ANKRD34C: variants seen among roughly 807,000 people sequenced by gnomAD.
The protein encoded by ANKRD34C is ankyrin repeat domain 34C, also known as ankyrin repeat domain-containing protein 34C.
For missense variants in ANKRD34C, 563 were observed against 653.0 expected, an observed-to-expected ratio of 0.86 and a Z score of 1.50; for synonymous variants, 260 against 253.6, an observed-to-expected ratio of 1.03 and a Z score of -0.24.
intron 1 of ANKRD34C, among the ~76,000 whole-genome samples, 164 bp downstream of exon 1, chr15:79,283,392 T>C (rs1234268307): frequency 2.6e-5 from 4 of 152,118 alleles, no homozygotes; most frequent in African/African-American, 9.7e-5. Context: ...AAGGCGGATT[T>C]AACATTTTTT....
chr15:79,294,908 T>C lies in ANKRD34C; in HGVS notation c.*16T>C, dbSNP rs1343824232. ...CATGACCTAGAAGCTTTAGAAAGGC[T>C]TAAAATAGTCAATATAGTTTATGGA... On this transcript the variant is annotated 3_prime_UTR_variant, in exon 2 of 2. Coordinates refer to ENST00000421388, the MANE Select transcript of ANKRD34C (RefSeq NM_001146341.2). 17 of 1,511,754 alleles carry C rather than the reference T, an allele frequency of 1.1e-5. No homozygotes were observed. Among genetic ancestry groups the C allele is most frequent in the Non-Finnish European group, 1.5e-5 (17 of 1,133,938 alleles). 93.6% of individuals were successfully genotyped at this position (1,511,754 alleles called of 1,614,324 possible). A position where few individuals can be genotyped will look rare whatever the true frequency, so the allele number is the denominator to read the frequency against.
At chr15:79,288,812 C>CTTTT (rs60075615) in intron 1 of ANKRD34C, among the ~76,000 whole-genome samples, 140 of 55,436 alleles carry the variant, frequency 2.5e-3, no homozygotes, top group East Asian at 6.2e-3. Flanking sequence ...GCCCAGTATT[C>CTTTT]TTTTTTTTTT....
At chr15:79,291,055 G>T (rs980959058) in intron 1 of ANKRD34C, among the ~76,000 whole-genome samples, 3 of 152,140 alleles carry the variant, frequency 2.0e-5, no homozygotes, top group African/African-American at 7.2e-5. Context: ...TGATTTGTAG[G>T]AGTTCTTTAT....
rs1567017261 is a variant in ANKRD34C, at chr15:79,296,078, G to T, written c.*1186G>T. 6.0e-6 allele frequency: 1 copy of T among 167,012 alleles called. No homozygotes were observed. The highest frequency in any genetic ancestry group is 2.4e-5 in the African/African-American group (1 of 41,428). 10.3% of individuals were successfully genotyped at this position (167,012 alleles called of 1,614,324 possible). A position where few individuals can be genotyped will look rare whatever the true frequency, so the allele number is the denominator to read the frequency against. On this transcript the variant is annotated 3_prime_UTR_variant, in exon 2 of 2. Coordinates refer to ENST00000421388, the MANE Select transcript of ANKRD34C (RefSeq NM_001146341.2). ...CACATCTTAGATGAATATATTTTTG[G>T]TTATTTCCATTTATGTTTCCTCTCG... is the stretch of plus-strand genomic sequence containing the variant.
rs1314700157 is a variant in ANKRD34C at position 79,296,702 on chromosome 15, C to T, written c.*1810C>T. 1 of 167,024 alleles carries T rather than the reference C, an allele frequency of 6.0e-6. No homozygotes were observed. The highest frequency in any genetic ancestry group is 1.5e-5 in the Non-Finnish European group (1 of 68,122). The allele number at this position is 167,024 out of a possible 1,614,324, so 10.3% of individuals were successfully genotyped here. The stretch of plus-strand genomic sequence containing the variant: ...GGTGTTGTTTGGAGGGCTGTCTGTC[C>T]TGTGTGTTGTAGGATGTTTAGCAGC... On this transcript the variant is annotated 3_prime_UTR_variant, in exon 2 of 2. Coordinates refer to ENST00000421388, the MANE Select transcript of ANKRD34C (RefSeq NM_001146341.2).
In ANKRD34C at chr15:79,291,647, A is replaced by G. The variant is rs2058660150; in HGVS notation, c.-44-1594A>G. 2.0e-5 allele frequency among the ~76,000 whole-genome samples: 3 copies of G among 150,864 alleles called. No individual in the cohort carries two copies. The Admixed American group carries it at 2.0e-4, about 10-fold the overall frequency. On this transcript the variant is annotated intron_variant, in intron 1 of 1. Coordinates refer to ENST00000421388, the MANE Select transcript of ANKRD34C (RefSeq NM_001146341.2). The stretch of plus-strand genomic sequence containing the variant: ...AGAGAGAGAGATCAGTAGGAGAATT[A>G]AGGAGAAAAGAGGAAGGGGATGGAG...
chr15:79,294,850 A>G lies in ANKRD34C; in HGVS notation c.1566A>G (p.Glu522=). ...TCAGAAGGCATTCTATGCAAATTGA[A>G]CAAATGAAACAGCTGTCTGATTTTG... is the stretch of plus-strand genomic sequence containing the variant. ...KLLRRHSMQI[E]QMKQLSDFEE... is the part of the protein sequence containing the mutation. The change falls in exon 2 of 2, where the codon GAA becomes GAG. Residue 522 remains glutamate, a synonymous_variant. Coordinates refer to ENST00000421388, the MANE Select transcript of ANKRD34C (RefSeq NM_001146341.2). 2 of 1,546,532 alleles carry G rather than the reference A, an allele frequency of 1.3e-6. No homozygotes were observed. Among genetic ancestry groups the G allele is most frequent in the Non-Finnish European group, 1.7e-6 (2 of 1,145,774 alleles).
In ANKRD34C at chr15:79,293,223, C is replaced by T; in HGVS notation, c.-44-18C>T. The T allele has an allele frequency of 7.0e-7, 1 of 1,425,336 alleles. No homozygotes were observed. The highest frequency in any genetic ancestry group is 1.4e-5 in the African/African-American group (1 of 69,216). The allele number at this position is 1,425,336 out of a possible 1,614,324, so 88.3% of individuals were successfully genotyped here. On this transcript the variant is annotated intron_variant, in intron 1 of 1. Transcript: ENST00000421388. The stretch of plus-strand genomic sequence containing the variant: ...TTATAAAACATATAACATTTGTTCC[C>T]TCTTCTTCCTTTGCTAGGTTTGATT...
rs1432003707 is a variant in ANKRD34C, at chr15:79,297,607, TCATCAGG to T, written c.*2717_*2723del. On this transcript the variant is annotated 3_prime_UTR_variant, in exon 2 of 2. Coordinates refer to ENST00000421388, the MANE Select transcript of ANKRD34C (RefSeq NM_001146341.2). ...TTTGCATCAGCCTTTCAATAGACAG[TCATCAGG>T]CTAGTATCTTATCTCATCACTACTT... is the stretch of plus-strand genomic sequence containing the variant. 13 of 167,080 alleles carry T rather than the reference TCATCAGG, an allele frequency of 7.8e-5. No individual in the cohort carries two copies. Among genetic ancestry groups the T allele is most frequent in the African/African-American group, 3.1e-4 (13 of 41,452 alleles). 10.3% of individuals were successfully genotyped at this position (167,080 alleles called of 1,614,324 possible).
rs2058668845 is a variant in ANKRD34C at position 79,294,945 on chromosome 15, A to C, written c.*53A>C. On this transcript the variant is annotated 3_prime_UTR_variant, in exon 2 of 2. Coordinates refer to ENST00000421388, the MANE Select transcript of ANKRD34C (RefSeq NM_001146341.2). ...ATATAGTTTATGGAAGGGACTATGG[A>C]TGAGACTGCTTCCTGATCATTCCTT... The C allele has an allele frequency of 6.2e-6, 9 of 1,445,382 alleles. No individual in the cohort carries two copies. The South Asian group carries it at 1.2e-4, about 19-fold the overall frequency. 89.5% of individuals were successfully genotyped at this position (1,445,382 alleles called of 1,614,324 possible). A position where few individuals can be genotyped will look rare whatever the true frequency, so the allele number is the denominator to read the frequency against.
intron 1 of ANKRD34C, among the ~76,000 whole-genome samples, chr15:79,287,712 T>C (rs1054046273): frequency 6.6e-6 from 1 of 152,224 alleles, no homozygotes; most frequent in African/African-American, 2.4e-5. Flanking sequence ...GTTCATGGAC[T>C]CCAAAGTCAG....
intron 1 of ANKRD34C, among the ~76,000 whole-genome samples, chr15:79,292,834 A>C (rs1217543784): frequency 6.6e-6 from 1 of 152,262 alleles, no homozygotes; most frequent in Non-Finnish European, 1.5e-5. Context: ...CCAAATGCTG[A>C]AGATACAGCA....
At position 79,296,573 on chromosome 15, in the gene ANKRD34C, A is replaced by G. The variant is rs1170058362; in HGVS notation, c.*1681A>G. On this transcript the variant is annotated 3_prime_UTR_variant, in exon 2 of 2. Transcript: ENST00000421388. ...CATGTGTAAAGTAAAAAATTCTGCC[A>G]TATAAACTCTACATATTATATAATT... The G allele has an allele frequency of 6.0e-6, 1 of 167,112 alleles. No individual in the cohort carries two copies. The highest frequency in any genetic ancestry group is 1.5e-5 in the Non-Finnish European group (1 of 68,122). 10.4% of individuals were successfully genotyped at this position (167,112 alleles called of 1,614,324 possible).
At position 79,294,889 on chromosome 15, in the gene ANKRD34C, C is replaced by A. The variant is rs2058668678; in HGVS notation, c.1605C>A (p.Thr535=). The stretch of plus-strand genomic sequence containing the variant: ...TGTCTGATTTTGAAGAAATCATGAC[C>A]TAGAAGCTTTAGAAAGGCTTAAAAT... ...KQLSDFEEIM[T] is the part of the protein sequence containing the mutation. The change falls in exon 2 of 2, where the codon ACC becomes ACA. Residue 535 remains threonine, a synonymous_variant. Coordinates refer to ENST00000421388, the MANE Select transcript of ANKRD34C (RefSeq NM_001146341.2). 6.5e-7 allele frequency: 1 copy of A among 1,530,622 alleles called. No individual in the cohort carries two copies. Among genetic ancestry groups the A allele is most frequent in the African/African-American group, 1.4e-5 (1 of 71,454 alleles). The allele number at this position is 1,530,622 out of a possible 1,614,324, so 94.8% of individuals were successfully genotyped here. A position where few individuals can be genotyped will look rare whatever the true frequency, so the allele number is the denominator to read the frequency against.
At chr15:79,286,803 A>C (rs2058646562) in intron 1 of ANKRD34C, among the ~76,000 whole-genome samples, 1 of 152,174 alleles carries the variant, frequency 6.6e-6, no homozygotes, top group African/African-American at 2.4e-5. Context: ...TCCACACAGC[A>C]AACATCAAAC....
intron 1 of ANKRD34C, among the ~76,000 whole-genome samples, chr15:79,286,688 T>C (rs1184221186): frequency 6.6e-6 from 1 of 152,158 alleles, no homozygotes; most frequent in African/African-American, 2.4e-5. Context: ...CCTCTTCATC[T>C]CTCAGGGGCT....
intron 1 of ANKRD34C, among the ~76,000 whole-genome samples, chr15:79,291,605 G>C (rs144596140): frequency 0.45 from 25,661 of 57,096 alleles, 3,148 homozygotes; most frequent in South Asian, 0.46. Flanking sequence ...CACACACAGA[G>C]AGAGAGAGAG....
intron 1 of ANKRD34C, among the ~76,000 whole-genome samples, chr15:79,291,307 G>T (rs1170633973): frequency 6.6e-6 from 1 of 152,146 alleles, no homozygotes; most frequent in African/African-American, 2.4e-5. Flanking sequence ...GACTGGAGTG[G>T]CAGGGAATGA....
In ANKRD34C at chr15:79,293,637, C is replaced by T; in HGVS notation, c.353C>T (p.Thr118Ile). ...NGADPSLEDR[T>I]GASALVYAIN... The stretch of plus-strand genomic sequence containing the variant: ...GCAGACCCCAGCCTTGAAGATCGCA[C>T]TGGGGCTTCAGCTCTGGTTTATGCA... Residue 118 changes from threonine to isoleucine, a missense_variant, in exon 2 of 2, where the codon ACT becomes ATT. Physicochemically the swap from Thr to Ile is moderately conservative, Grantham distance 89. Transcript: ENST00000421388. 6.4e-7 allele frequency: 1 copy of T among 1,551,664 alleles called. No individual in the cohort carries two copies. The highest frequency in any genetic ancestry group is 8.7e-7 in the Non-Finnish European group (1 of 1,146,986).
Sources: gnomAD v4.1 joint callset for allele counts (sites outside exome capture counted in the v4.1 genomes callset) on GRCh38, gnomAD v4.1.1 for gene constraint, MANE v1.5 for transcripts, NCBI Gene and HGNC (gene_info 2026-07-23, HGNC 2026-07-21) for gene names.